Variants in LRFN5 observed in about 807,000 individuals in gnomAD.
LRFN5 encodes the protein leucine rich repeat and fibronectin type III domain containing 5.
In LRFN5, 24 loss-of-function variants were observed where a neutral mutation model predicts 45.6. The ratio of observed to expected loss-of-function variants is 0.53; its 90% confidence interval spans 0.38 to 0.74. The LOEUF is 0.74. Among genes scored for constraint, LRFN5 ranks in the 30% least tolerant of loss-of-function variants. LRFN5 has a pLI of 0.00. For synonymous variants in LRFN5, 340 were observed against 313.8 expected (o/e 1.08, Z -0.88); for missense variants, 776 against 861.5 (o/e 0.90, Z 1.24).
chr14:41,709,760 T>C (rs1276953277), intron 1 of LRFN5, among the ~76,000 whole-genome samples: 1 of 152,042 alleles, frequency 6.6e-6, no homozygotes, highest in East Asian at 1.9e-4. Context: ...TAAAAGATAA[T>C]ATAAGCTTAT....
intron 2 of LRFN5, among the ~76,000 whole-genome samples, chr14:41,841,783 C>T (rs1174160962): frequency 6.6e-6 from 1 of 151,694 alleles, no homozygotes; most frequent in Admixed American, 6.6e-5. Flanking sequence ...CATATCAGCC[C>T]ATCAGATCTT....
At chr14:41,883,176 G>A (rs543825532) in intron 2 of LRFN5, among the ~76,000 whole-genome samples, 1 of 148,724 alleles carries the variant, frequency 6.7e-6, no homozygotes, top group Non-Finnish European at 1.5e-5. Context: ...ATCAAGGACT[G>A]CCACCTCTGG....
chr14:41,652,247 T>C (rs953828304), intron 1 of LRFN5, among the ~76,000 whole-genome samples: 15 of 152,230 alleles, frequency 9.9e-5, no homozygotes, highest in African/African-American at 3.6e-4. Flanking sequence ...AACATCATAT[T>C]TTAATGTAGC....
At chr14:41,848,426 A>G (rs928475061) in intron 2 of LRFN5, among the ~76,000 whole-genome samples, 1 of 152,074 alleles carries the variant, frequency 6.6e-6, no homozygotes, top group Non-Finnish European at 1.5e-5. Flanking sequence ...TTTGAACCGT[A>G]AAAGAGAATG....
At chr14:41,860,372 TTA>T (rs773894149) in intron 2 of LRFN5, among the ~76,000 whole-genome samples, 1 of 152,190 alleles carries the variant, frequency 6.6e-6, no homozygotes, top group Non-Finnish European at 1.5e-5. Context: ...TAATCCAATC[TTA>T]GTTTTGTTTT....
At chr14:41,751,985 A>G (rs892015579) in intron 1 of LRFN5, among the ~76,000 whole-genome samples, 1 of 152,018 alleles carries the variant, frequency 6.6e-6, no homozygotes, top group Non-Finnish European at 1.5e-5. Flanking sequence ...TCATTGTTCA[A>G]TTCCAATCTA....
intron 1 of LRFN5, among the ~76,000 whole-genome samples, chr14:41,646,127 A>G (rs536537189): frequency 4.5e-4 from 68 of 152,232 alleles, no homozygotes; most frequent in African/African-American, 1.6e-3. Context: ...GGGACATTCA[A>G]CATCCTTCTT....
intron 4 of LRFN5, chr14:41,894,923 T>G: frequency 1.0e-6 from 1 of 983,652 alleles, no homozygotes; most frequent in South Asian, 4.7e-5. Context: ...ATCTGAAGCA[T>G]CTGGTTTGCT....
At chr14:41,795,333 T>C (rs1887081171) in intron 2 of LRFN5, among the ~76,000 whole-genome samples, 1 of 152,148 alleles carries the variant, frequency 6.6e-6, no homozygotes, top group South Asian at 2.1e-4. Flanking sequence ...TTGGTGGGAC[T>C]GTAAACTAGT....
chr14:41,696,224 C>T (rs920956585), intron 1 of LRFN5, among the ~76,000 whole-genome samples: 2 of 151,888 alleles, frequency 1.3e-5, no homozygotes, highest in African/African-American at 4.8e-5. Context: ...TGAGGGGCTG[C>T]TTCTTATGGA....
At chr14:41,841,109 A>G (rs1285701523) in intron 2 of LRFN5, among the ~76,000 whole-genome samples, 19 of 151,914 alleles carry the variant, frequency 1.3e-4, no homozygotes, top group Non-Finnish European at 2.2e-4. Context: ...CTACAATAGC[A>G]ATCATTTAAC....
At chr14:41,629,600 C>T (rs1888467985) in intron 1 of LRFN5, among the ~76,000 whole-genome samples, 1 of 152,142 alleles carries the variant, frequency 6.6e-6, no homozygotes, top group Non-Finnish European at 1.5e-5. Context: ...ACGCAGTAAG[C>T]TATTTCATGT....
intron 1 of LRFN5, among the ~76,000 whole-genome samples, chr14:41,661,138 A>G (rs994969231): frequency 6.6e-6 from 1 of 151,758 alleles, no homozygotes; most frequent in African/African-American, 2.4e-5. Flanking sequence ...TAGAGATTAA[A>G]GAGATATTGT....
chr14:41,806,116 C>T (rs1345857860), intron 2 of LRFN5, among the ~76,000 whole-genome samples: 1 of 152,142 alleles, frequency 6.6e-6, no homozygotes, highest in African/African-American at 2.4e-5. Flanking sequence ...TTCACTAGCT[C>T]ATCTTGGCCT....
intron 2 of LRFN5, among the ~76,000 whole-genome samples, chr14:41,770,822 G>T (rs1199563925): frequency 6.6e-6 from 1 of 152,128 alleles, no homozygotes; most frequent in Admixed American, 6.5e-5. Context: ...CCACTAGACA[G>T]TGTCCTGGTG....
At chr14:41,675,604 CAGGGAG>C (rs1202868127) in intron 1 of LRFN5, among the ~76,000 whole-genome samples, 2 of 151,530 alleles carry the variant, frequency 1.3e-5, no homozygotes, top group Admixed American at 1.3e-4. Flanking sequence ...AAAGAGGGGA[CAGGGAG>C]AGGGAGAGGG....
At chr14:41,670,180 TTCTC>T (rs1358335280) in intron 1 of LRFN5, among the ~76,000 whole-genome samples, 20 of 135,492 alleles carry the variant, frequency 1.5e-4, no homozygotes, top group Middle Eastern at 4.7e-3. Flanking sequence ...TATATACACA[TTCTC>T]TATATATATA....
intron 1 of LRFN5, among the ~76,000 whole-genome samples, chr14:41,644,648 T>TA (rs946314640): frequency 2.0e-5 from 3 of 152,048 alleles, no homozygotes; most frequent in African/African-American, 7.2e-5. Flanking sequence ...AACCCTGTGA[T>TA]AAAAAAGGAA....
intron 2 of LRFN5, among the ~76,000 whole-genome samples, chr14:41,878,250 T>G (rs1890253153): frequency 6.6e-6 from 1 of 152,116 alleles, no homozygotes; most frequent in Non-Finnish European, 1.5e-5. Flanking sequence ...TCAACAGACA[T>G]TAACATTTGT....
Sources: allele counts gnomAD v4.1 joint callset (sites outside exome capture counted in the v4.1 genomes callset), GRCh38; gene constraint gnomAD v4.1.1; transcripts MANE v1.5; gene names NCBI Gene and HGNC (gene_info 2026-07-23, HGNC 2026-07-21).